The following HCN2 variants were observed in gnomAD, a reference collection of about 807,000 sequenced individuals.
HCN2 encodes hyperpolarization activated cyclic nucleotide gated potassium and sodium channel 2, also known as potassium/sodium hyperpolarization-activated cyclic nucleotide-gated channel 2.
Under a neutral mutation model 52.3 loss-of-function variants are expected in HCN2, and 20 were observed. The ratio of observed to expected loss-of-function variants is 0.38; its 90% CI spans 0.27 to 0.56. The LOEUF is 0.56. Among genes scored for constraint, HCN2 ranks in the 20% least tolerant of loss-of-function variants. The probability of loss-of-function intolerance (pLI) is 0.71; values close to 1 mark genes in which losing one functional copy is unlikely to be tolerated. For synonymous variants in HCN2, 694 were observed against 537.0 expected, an observed-to-expected ratio of 1.29 and a Z score of -4.04; for missense variants, 981 against 1,207.7, an observed-to-expected ratio of 0.81 and a Z score of 2.78.
Position 616,071 on chromosome 19 carries a change from G to A in HCN2, c.2267G>A (p.Arg756His). 3 of 1,101,632 alleles carry A rather than the reference G, an allele frequency of 2.7e-6. No homozygotes were observed. Among genetic ancestry groups the A allele is most frequent in the Non-Finnish European group, 3.3e-6 (3 of 906,522 alleles). The allele number at this position is 1,101,632 out of a possible 1,614,324, so 68.2% of individuals were successfully genotyped here. Reference protein sequence around the residue: ...LVGPLALGSPRLVRRPPPGPA... With the variant: ...LVGPLALGSPHLVRRPPPGPA... ...GGGCCGCTGGCGCTCGGCTCGCCGC[G>A]CCTCGTGCGCCGCCCGCCCCCGGGG... Residue 756 changes from arginine (R) to histidine (H), a missense_variant, in exon 8 of 8, where the codon CGC becomes CAC. Arg to His is a conservative substitution (Grantham distance 29). Transcript: ENST00000251287.
rs199714427 is a variant in HCN2 at position 599,778 on chromosome 19, ACT to A, written c.633-3763_633-3762del. Among the ~76,000 whole-genome samples, 106 of 151,408 alleles carry A rather than the reference ACT, an allele frequency of 7.0e-4. No homozygotes were observed. The East Asian group carries it at 0.018, about 25-fold the overall frequency. Reference sequence around the variant, plus strand: ...ACTCCAGCCTGGGCGACAGAGTGAGACTCTGTCTCAAAAAAGAAAACCTCAAG... The same window carrying A: ...ACTCCAGCCTGGGCGACAGAGTGAGACTGTCTCAAAAAAGAAAACCTCAAG... On this transcript the variant is annotated intron_variant, in intron 1 of 7. Transcript: ENST00000251287.
At chr19:602,876 G>T (rs1354658878) in intron 1 of HCN2, among the ~76,000 whole-genome samples, 3 of 152,208 alleles carry the variant, frequency 2.0e-5, no homozygotes, top group Non-Finnish European at 4.4e-5. Context: ...GGCTCCCTCG[G>T]GGCTGGGTGG....
At position 607,847 on chromosome 19, in the gene HCN2, C is replaced by CA. The variant is rs1337439626; in HGVS notation, c.1219-116dup. On this transcript the variant is annotated intron_variant, in intron 3 of 7. Coordinates refer to ENST00000251287, the MANE Select transcript of HCN2 (RefSeq NM_001194.4). Reference sequence around the variant, plus strand: ...TCCATTTCTCTTGGTTACCTCTGAACATGGGGAGCTCACCACCTCCAGTGC... The same window carrying CA: ...TCCATTTCTCTTGGTTACCTCTGAACAATGGGGAGCTCACCACCTCCAGTGC... The CA allele has an allele frequency of 2.7e-5, 19 of 701,848 alleles. No homozygotes were observed. The East Asian group carries it at 5.2e-4, about 19-fold the overall frequency. 43.5% of individuals were successfully genotyped at this position (701,848 alleles called of 1,614,324 possible).
At chr19:604,465 A>G (rs1312443999) in intron 2 of HCN2, among the ~76,000 whole-genome samples, 2 of 106,566 alleles carry the variant, frequency 1.9e-5, no homozygotes, top group Non-Finnish European at 3.7e-5. Flanking sequence ...GCTGGGGTGG[A>G]GTCAAGCAGC....
chr19:616,311 C>T lies in HCN2; in HGVS notation c.2507C>T (p.Ala836Val), dbSNP rs1485807181. 2.7e-6 allele frequency: 3 copies of T among 1,123,996 alleles called. No individual in the cohort carries two copies. The highest frequency in any genetic ancestry group is 3.3e-6 in the Non-Finnish European group (3 of 915,898). 69.6% of individuals were successfully genotyped at this position (1,123,996 alleles called of 1,614,324 possible). The change falls in exon 8 of 8, where the codon GCC becomes GTC. Residue 836 changes from alanine (A) to valine (V), a missense_variant. Coordinates refer to ENST00000251287, the MANE Select transcript of HCN2 (RefSeq NM_001194.4). ...SLPHGAPGPAASTRPASSSTP... is the reference protein window; with the variant it reads ...SLPHGAPGPAVSTRPASSSTP... ...CCTCACGGCGCCCCCGGCCCCGCGG[C>T]CTCCACACGCCCGGCCAGCAGCTCC...
At chr19:604,279 T>G (rs1490486438) in intron 2 of HCN2, among the ~76,000 whole-genome samples, 2 of 85,942 alleles carry the variant, frequency 2.3e-5, no homozygotes, top group Admixed American at 2.3e-4. Context: ...CTGGGTGGGG[T>G]CAAGGCCCCA....
At chr19:598,232 A>C in intron 1 of HCN2, among the ~76,000 whole-genome samples, 1 of 151,886 alleles carries the variant, frequency 6.6e-6, no homozygotes, top group East Asian at 1.9e-4. Context: ...GAAGGCCTTA[A>C]ATTTCTAGTC....
intron 3 of HCN2, among the ~76,000 whole-genome samples, chr19:606,329 G>C (rs868663544): frequency 2.6e-5 from 4 of 151,984 alleles, no homozygotes; most frequent in African/African-American, 7.2e-5. Context: ...TCGAACTCCT[G>C]ACCTCAGGTG....
rs1204270624 is a variant in HCN2 at position 590,636 on chromosome 19, G to C, written c.632+59G>C. ...GGGCCCGGGGAGCCGGGCGCGCGGGGAGCCGTCCTTGGAGCGCCTGGGGAG... is the reference window on the plus strand; with the variant it reads ...GGGCCCGGGGAGCCGGGCGCGCGGGCAGCCGTCCTTGGAGCGCCTGGGGAG... On this transcript the variant is annotated intron_variant, in intron 1 of 7. Transcript: ENST00000251287. The surrounding 1 kb of genome is among the most constrained non-coding windows in gnomAD (Gnocchi z 7.2). 8.0e-7 allele frequency: 1 copy of C among 1,247,822 alleles called. No homozygotes were observed. Among genetic ancestry groups the C allele is most frequent in the Non-Finnish European group, 1.0e-6 (1 of 981,964 alleles). 77.3% of individuals were successfully genotyped at this position (1,247,822 alleles called of 1,614,324 possible). A position where few individuals can be genotyped will look rare whatever the true frequency, so the allele number is the denominator to read the frequency against.
chr19:596,687 C>T (rs982048151), intron 1 of HCN2, among the ~76,000 whole-genome samples: 6 of 152,196 alleles, frequency 3.9e-5, no homozygotes, highest in Non-Finnish European at 7.3e-5. Flanking sequence ...TGCTGGGGCC[C>T]GCCTGGGTCC....
At chr19:604,583 G>A (rs1366198098) in intron 2 of HCN2, among the ~76,000 whole-genome samples, 1 of 122,678 alleles carries the variant, frequency 8.2e-6, no homozygotes, top group Non-Finnish European at 1.7e-5. Flanking sequence ...GTTGTGCTGA[G>A]CGGGGTCAGA....
intron 5 of HCN2, 33 bp from the exon 6 acceptor site, chr19:613,215 C>A: frequency 2.5e-6 from 4 of 1,582,502 alleles, no homozygotes; most frequent in Middle Eastern, 1.9e-4. Flanking sequence ...GAGTGGGGTC[C>A]GCAGCGGACC....
chr19:616,061 G>C lies in HCN2; in HGVS notation c.2257G>C (p.Gly753Arg), dbSNP rs1236551643. The C allele has an allele frequency of 8.6e-7, 1 of 1,164,964 alleles. No homozygotes were observed. Among genetic ancestry groups the C allele is most frequent in the Non-Finnish European group, 1.1e-6 (1 of 947,414 alleles). The allele number at this position is 1,164,964 out of a possible 1,614,324, so 72.2% of individuals were successfully genotyped here. Reference protein sequence around the residue: ...ARPLVGPLALGSPRLVRRPPP... With the variant: ...ARPLVGPLALRSPRLVRRPPP... ...GCCGCTCGTGGGGCCGCTGGCGCTC[G>C]GCTCGCCGCGCCTCGTGCGCCGCCC... Residue 753 changes from glycine to arginine, a missense_variant, in exon 8 of 8, where the codon GGC (glycine) becomes CGC (arginine). Transcript: ENST00000251287.
At chr19:608,852 A>T (rs1983512303) in intron 4 of HCN2, among the ~76,000 whole-genome samples, 1 of 152,166 alleles carries the variant, frequency 6.6e-6, no homozygotes, top group South Asian at 2.1e-4. Flanking sequence ...AGGCTGCCCC[A>T]CTGCTCAGAT....
chr19:610,468 G>A, intron 5 of HCN2, 63 bp downstream of exon 5: 1 of 1,473,834 alleles, frequency 6.8e-7, no homozygotes, highest in Non-Finnish European at 9.4e-7. Flanking sequence ...CCCTCTCCTG[G>A]AGCCCAGGAG....
At chr19:613,756 C>T (rs1983772119) in intron 6 of HCN2, 96 bp from the exon 7 acceptor site, 5 of 1,278,918 alleles carry the variant, frequency 3.9e-6, no homozygotes, top group Non-Finnish European at 5.0e-6. Context: ...GAAGCGCCCA[C>T]GCTGGCCAAG....
chr19:609,375 C>T, intron 4 of HCN2, among the ~76,000 whole-genome samples: 1 of 152,184 alleles, frequency 6.6e-6, no homozygotes, highest in Non-Finnish European at 1.5e-5. Context: ...GGGCCAGAGC[C>T]CCCGGGAAGG....
Position 608,242 on chromosome 19 carries a change from G to A in HCN2, c.1437+60G>A, listed in dbSNP as rs904530014. On this transcript the variant is annotated intron_variant, in intron 4 of 7. Coordinates refer to ENST00000251287, the MANE Select transcript of HCN2 (RefSeq NM_001194.4). The stretch of plus-strand genomic sequence containing the variant: ...TGGGGGAGGCGGGCCTGGATCTGGG[G>A]TCTGAGAGAGAGTCAGGCCAGGCCC... The A allele has an allele frequency of 2.7e-6, 4 of 1,487,226 alleles. No homozygotes were observed. In the African/African-American group the frequency reaches 4.2e-5, roughly 15 times the overall value. 92.1% of individuals were successfully genotyped at this position (1,487,226 alleles called of 1,614,324 possible). A position where few individuals can be genotyped will look rare whatever the true frequency, so the allele number is the denominator to read the frequency against.
In HCN2 at chr19:590,634, G is replaced by A; in HGVS notation, c.632+57G>A. The A allele has an allele frequency of 1.6e-6, 2 of 1,251,972 alleles. No individual in the cohort carries two copies. Among genetic ancestry groups the A allele is most frequent in the Non-Finnish European group, 2.0e-6 (2 of 984,304 alleles). The allele number at this position is 1,251,972 out of a possible 1,614,324, so 77.6% of individuals were successfully genotyped here. ...GGGGGCCCGGGGAGCCGGGCGCGCG[G>A]GGAGCCGTCCTTGGAGCGCCTGGGG... On this transcript the variant is annotated intron_variant, in intron 1 of 7. Transcript: ENST00000251287. This position sits in a 1 kb window ranked among gnomAD's most constrained non-coding sequence, Gnocchi z 7.2.
Sources: gnomAD v4.1 joint callset for allele counts (sites outside exome capture counted in the v4.1 genomes callset) on GRCh38, gnomAD v4.1.1 for gene constraint, Gnocchi (gnomAD v3.1) non-coding constraint, MANE v1.5 for transcripts, NCBI Gene and HGNC (gene_info 2026-07-23, HGNC 2026-07-21) for gene names.